The following SPRY3 variants were observed in gnomAD, a reference collection of about 807,000 sequenced individuals.
SPRY3 encodes the protein sprouty RTK signaling antagonist 3.
Under a neutral mutation model 20.2 loss-of-function variants are expected in SPRY3, and 15 were observed. That is an observed-to-expected ratio of 0.74 (90% CI 0.50 to 1.14). The LOEUF (loss-of-function observed/expected upper bound fraction) is 1.14, where lower values mean the gene tolerates loss of function less well. Ranked by LOEUF, SPRY3 falls within the 50% of genes most tolerant of loss-of-function variation. The pLI, the probability that SPRY3 is intolerant of heterozygous loss-of-function variation, is 0.00. For missense variants in SPRY3, 364 were observed against 363.9 expected (o/e 1.00, Z 0.00); for synonymous variants, 143 against 136.5 (o/e 1.05, Z -0.33).
rs137909472 is a variant in SPRY3, at chrX:155,681,535, G to A, written c.-282+24510G>A. Among the ~76,000 whole-genome samples the A allele has an allele frequency of 6.9e-3, 780 of 112,454 alleles. 6 individuals are homozygous for A. Among genetic ancestry groups the A allele is most frequent in the African/African-American group, 0.024 (739 of 30,957 alleles). On this transcript the variant is annotated intron_variant, in intron 2 of 3. Transcript: ENST00000675360. ...GAAGTGATTAAGCTTAGGGAGGAAG[G>A]CATTTCAAAAGCTGAGTTAGGGAGA...
exon 4 of SPRY3, chrX:155,774,595 C>G: frequency 6.2e-7 from 1 of 1,614,004 alleles, no homozygotes; most frequent in Non-Finnish European, 8.5e-7. Flanking sequence ...CCTGCCTACC[C>G]GTGGATGCCT....
intron 2 of SPRY3, among the ~76,000 whole-genome samples, chrX:155,737,997 TA>T (rs2091180255): frequency 6.6e-6 from 1 of 152,130 alleles, no homozygotes; most frequent in South Asian, 2.1e-4. Flanking sequence ...CACTCACCTT[TA>T]AAAAATAATT....
intron 2 of SPRY3, among the ~76,000 whole-genome samples, chrX:155,766,449 C>G (rs2091330610): frequency 6.6e-6 from 1 of 152,146 alleles, no homozygotes; most frequent in South Asian, 2.1e-4. Flanking sequence ...TCTCAGTTTC[C>G]TGACTCACAC....
At chrX:155,741,700 C>A (rs1460012466) in intron 2 of SPRY3, among the ~76,000 whole-genome samples, 1 of 152,072 alleles carries the variant, frequency 6.6e-6, no homozygotes, top group South Asian at 2.1e-4. Context: ...CAGTATTCAA[C>A]GTTCTTAAAA....
intron 2 of SPRY3, among the ~76,000 whole-genome samples, chrX:155,731,712 GA>G (rs1323493094): frequency 2.0e-5 from 3 of 151,920 alleles, no homozygotes; most frequent in African/African-American, 4.8e-5. Context: ...TGAACAAAAT[GA>G]AAAGACAACC....
chrX:155,773,307 GAT>G (rs1556238552), intron 3 of SPRY3, among the ~76,000 whole-genome samples: 1,887 of 120,622 alleles, frequency 0.016, 23 homozygotes, highest in South Asian at 0.079. Flanking sequence ...ATTTTGATTG[GAT>G]ATATATATAT....
intron 2 of SPRY3, among the ~76,000 whole-genome samples, chrX:155,664,994 C>A (rs1557354177): frequency 1.8e-5 from 2 of 110,199 alleles, no homozygotes; most frequent in Non-Finnish European, 3.8e-5. Flanking sequence ...AAGATATTTA[C>A]AACTCACAAA....
At chrX:155,768,347 G>C (rs1201965855) in intron 3 of SPRY3, among the ~76,000 whole-genome samples, 1 of 152,038 alleles carries the variant, frequency 6.6e-6, no homozygotes, top group Non-Finnish European at 1.5e-5. Context: ...TATCCACATT[G>C]GAAATGTGTA....
At chrX:155,662,681 G>GCA (rs1434473692) in intron 2 of SPRY3, among the ~76,000 whole-genome samples, 2 of 15,730 alleles carry the variant, frequency 1.3e-4, no homozygotes, top group Non-Finnish European at 3.8e-4. Context: ...GTGTAGTTTG[G>GCA]CAAAAAAAAA....
intron 3 of SPRY3, among the ~76,000 whole-genome samples, chrX:155,768,456 C>T (rs1240059802): frequency 6.6e-6 from 1 of 152,028 alleles, no homozygotes; most frequent in Non-Finnish European, 1.5e-5. Flanking sequence ...TGCCTAAACC[C>T]CTCAAAACGC....
In SPRY3 at chrX:155,697,524, T is replaced by C. The variant is rs185685661; in HGVS notation, c.-282+40499T>C. On this transcript the variant is annotated intron_variant, in intron 2 of 3. Coordinates refer to ENST00000675360, the Ensembl canonical transcript of SPRY3. ...ATACACACACACACACACACACACA[T>C]ATATATATATATACACATATATATC... 8.9e-3 allele frequency among the ~76,000 whole-genome samples: 634 copies of C among 71,057 alleles called. 5 individuals are homozygous for C. The highest frequency in any genetic ancestry group is 0.012 in the Non-Finnish European group (503 of 40,747). The allele number at this position is 71,057 out of a possible 115,157, so 61.7% of individuals were successfully genotyped here.
At chrX:155,766,508 A>G (rs1389389436) in intron 2 of SPRY3, among the ~76,000 whole-genome samples, 2 of 152,172 alleles carry the variant, frequency 1.3e-5, no homozygotes, top group Non-Finnish European at 2.9e-5. Context: ...AATTTTATAG[A>G]TGAGGTAACC....
In SPRY3 at chrX:155,621,828, G is replaced by A. The variant is rs1023090486; in HGVS notation, c.-441+9181G>A. Reference sequence around the variant, plus strand: ...CCAGAGCAGCCAAAGGTATTCAAGGGTCTCTTCATTTATACCGTATCTTAT... The same window carrying A: ...CCAGAGCAGCCAAAGGTATTCAAGGATCTCTTCATTTATACCGTATCTTAT... On this transcript the variant is annotated intron_variant, in intron 1 of 3. Transcript: ENST00000675360. Among the ~76,000 whole-genome samples the A allele has an allele frequency of 3.6e-5, 4 of 111,732 alleles. No homozygotes were observed. In the East Asian group the frequency reaches 1.1e-3, roughly 31 times the overall value.
chrX:155,707,224 T>C (rs189712448), intron 2 of SPRY3, among the ~76,000 whole-genome samples: 960 of 151,442 alleles, frequency 6.3e-3, no homozygotes, highest in Middle Eastern at 0.051. Flanking sequence ...ATTATAACTT[T>C]CCTTGTGATT....
At chrX:155,643,120 C>T (rs1168346645) in intron 1 of SPRY3, among the ~76,000 whole-genome samples, 2 of 111,768 alleles carry the variant, frequency 1.8e-5, no homozygotes, top group African/African-American at 6.5e-5. Flanking sequence ...CTCTCTTTAG[C>T]TCTAAAATAT....
downstream of SPRY3, chrX:155,781,358 A>G (rs747371320): frequency 6.5e-4 from 108 of 167,132 alleles, no homozygotes; most frequent in African/African-American, 2.0e-3. Context: ...CCTGAGACCA[A>G]TTAAGTCAGA....
At chrX:155,679,581 C>T (rs1189179666) in intron 2 of SPRY3, among the ~76,000 whole-genome samples, 2 of 111,805 alleles carry the variant, frequency 1.8e-5, no homozygotes, top group Non-Finnish European at 3.8e-5. Context: ...AATACTATCA[C>T]ATTGGGGTTT....
chrX:155,668,878 GA>G (rs1367902631), intron 2 of SPRY3, among the ~76,000 whole-genome samples: 1 of 110,607 alleles, frequency 9.0e-6, no homozygotes, highest in Non-Finnish European at 1.9e-5. Flanking sequence ...CCATGATTTA[GA>G]ATTGTTCATG....
chrX:155,645,061 G>A (rs782527656), intron 1 of SPRY3, among the ~76,000 whole-genome samples: 1 of 111,493 alleles, frequency 9.0e-6, no homozygotes, highest in East Asian at 2.8e-4. Context: ...GATGGATCCT[G>A]CCAGGACTGG....
Sources: allele counts gnomAD v4.1 joint callset (sites outside exome capture counted in the v4.1 genomes callset), GRCh38; gene constraint gnomAD v4.1.1; transcripts MANE v1.5; gene names NCBI Gene and HGNC (gene_info 2026-07-23, HGNC 2026-07-21).